ZNF354A: variants seen among roughly 807,000 people sequenced by gnomAD.
The protein encoded by ZNF354A is zinc finger protein 354A.
A neutral mutation model predicts 53.3 loss-of-function variants in ZNF354A; 25 were observed. That is an observed-to-expected ratio of 0.47 (90% CI 0.34 to 0.66). The LOEUF is 0.66. Among genes scored for constraint, ZNF354A ranks in the 30% least tolerant of loss-of-function variants. The pLI, the probability that ZNF354A is intolerant of heterozygous loss-of-function variation, is 0.01. For synonymous variants in ZNF354A, 228 were observed against 249.0 expected (o/e 0.92, Z 0.79); for missense variants, 586 against 716.8 (o/e 0.82, Z 2.08).
chr5:178,712,111 A>G lies in ZNF354A; in HGVS notation c.1767T>C (p.His589=), dbSNP rs763895133. 7 of 1,612,760 alleles carry G rather than the reference A, an allele frequency of 4.3e-6. No homozygotes were observed. The East Asian group carries it at 1.6e-4, about 36-fold the overall frequency. Residue 589 remains histidine (H), a synonymous_variant, in exon 5 of 5, where the codon CAT becomes CAC. Transcript: ENST00000335815. ...TATAATGATTAGTAAGGGATGACCT[A>G]TGGTTGAAAAGTTTCCCACATGTAT... ...ECNTCGKLFN[H]RSSLTNHYKI... is the part of the protein sequence containing the mutation.
In ZNF354A at chr5:178,712,737, G is replaced by C; in HGVS notation, c.1141C>G (p.Pro381Ala). The C allele has an allele frequency of 6.2e-7, 1 of 1,613,870 alleles. No individual in the cohort carries two copies. Among genetic ancestry groups the C allele is most frequent in the Non-Finnish European group, 8.5e-7 (1 of 1,179,820 alleles). ...YHQRIHTGEK[P>A]FKCSECGRAF... ...CTCCCACATTCACTACATTTAAAAGGCTTCTCTCCAGTGTGAATTCTCTGA... is the reference window on the plus strand; with the variant it reads ...CTCCCACATTCACTACATTTAAAAGCCTTCTCTCCAGTGTGAATTCTCTGA... Residue 381 changes from proline (P) to alanine (A), a missense_variant, in exon 5 of 5, where the codon CCT (proline) becomes GCT (alanine). Physicochemically the swap from Pro to Ala is conservative, Grantham distance 27. Around this residue, in one of 2 missense-constraint regions of ZNF354A, gnomAD observed 573 missense variants for 680.1 expected, o/e 0.84. Coordinates refer to ENST00000335815, the MANE Select transcript of ZNF354A (RefSeq NM_005649.3).
rs192892714 is a variant in ZNF354A at position 178,713,729 on chromosome 5, C to T, written c.257-108G>A. On this transcript the variant is annotated intron_variant, in intron 4 of 4. Transcript: ENST00000335815. ...ATATTGGTGACATTTAAATAAGACC[C>T]TGATATCTGTATGAAAAAAATTGCA... 7 of 1,335,498 alleles carry T rather than the reference C, an allele frequency of 5.2e-6. No individual in the cohort carries two copies. In the East Asian group the frequency reaches 1.7e-4, roughly 32 times the overall value. 82.7% of individuals were successfully genotyped at this position (1,335,498 alleles called of 1,614,324 possible).
intron 1 of ZNF354A, among the ~76,000 whole-genome samples, 198 bp downstream of exon 1, chr5:178,730,358 G>A (rs961189693): frequency 3.3e-5 from 5 of 151,952 alleles, no homozygotes; most frequent in African/African-American, 1.2e-4. Context: ...CGTCCACGGC[G>A]AGCCGGACGC....
chr5:178,720,831 C>T (rs1765799410), intron 4 of ZNF354A, among the ~76,000 whole-genome samples: 1 of 149,408 alleles, frequency 6.7e-6, no homozygotes, highest in Admixed American at 6.8e-5. Context: ...AAAATTAACA[C>T]CACTGCTTGC....
chr5:178,729,872 G>GCTTCTTTT lies in ZNF354A; in HGVS notation c.-52+683_-52+684insAAAAGAAG, dbSNP rs746292908. On this transcript the variant is annotated intron_variant, in intron 1 of 4. Coordinates refer to ENST00000335815, the MANE Select transcript of ZNF354A (RefSeq NM_005649.3). Reference sequence around the variant, plus strand: ...CCATGTATCCCATTTCTAACACGATGTTTCTTTTTTGAGACGGAGTCTCGC... The same window carrying GCTTCTTTT: ...CCATGTATCCCATTTCTAACACGATGCTTCTTTTTTTCTTTTTTGAGACGGAGTCTCGC... Among the ~76,000 whole-genome samples, 31 of 143,380 alleles carry GCTTCTTTT rather than the reference G, an allele frequency of 2.2e-4. 1 individual carries two copies. Among genetic ancestry groups the GCTTCTTTT allele is most frequent in the Middle Eastern group, 4.3e-3 (1 of 230 alleles). The allele number at this position is 143,380 out of a possible 152,430, so 94.1% of individuals were successfully genotyped here. A position where few individuals can be genotyped will look rare whatever the true frequency, so the allele number is the denominator to read the frequency against.
At chr5:178,725,192 TAAGA>T (rs1765881816) in intron 4 of ZNF354A, among the ~76,000 whole-genome samples, 180 bp downstream of exon 4, 1 of 152,142 alleles carries the variant, frequency 6.6e-6, no homozygotes, top group African/African-American at 2.4e-5. Flanking sequence ...CAGGAAAGAG[TAAGA>T]AAGAGATTCT....
At chr5:178,725,980 G>A (rs111526684) in intron 3 of ZNF354A, 9 of 288,606 alleles carry the variant, frequency 3.1e-5, no homozygotes, top group Admixed American at 1.7e-4. Context: ...CCCAAGTAGC[G>A]GGGACTACAG....
In ZNF354A at chr5:178,712,121, A is replaced by T. The variant is rs764900273; in HGVS notation, c.1757T>A (p.Leu586His). The T allele has an allele frequency of 1.2e-6, 2 of 1,613,230 alleles. No homozygotes were observed. Among genetic ancestry groups the T allele is most frequent in the African/African-American group, 2.7e-5 (2 of 75,006 alleles). The change falls in exon 5 of 5, where the codon CTT (leucine) becomes CAT (histidine). Residue 586 changes from leucine to histidine, a missense_variant. This residue lies in a region of ZNF354A where 573 missense variants were observed against 680.1 expected (regional missense o/e 0.84). Coordinates refer to ENST00000335815, the MANE Select transcript of ZNF354A (RefSeq NM_005649.3). ...KPYECNTCGK[L>H]FNHRSSLTNH... ...AGTAAGGGATGACCTATGGTTGAAA[A>T]GTTTCCCACATGTATTACATTCATA...
Position 178,718,258 on chromosome 5 carries a change from T to G in ZNF354A, c.257-4637A>C, listed in dbSNP as rs1329747343. 2.0e-5 allele frequency among the ~76,000 whole-genome samples: 3 copies of G among 152,330 alleles called. No individual in the cohort carries two copies. The East Asian group carries it at 5.8e-4, about 29-fold the overall frequency. On this transcript the variant is annotated intron_variant, in intron 4 of 4. Coordinates refer to ENST00000335815, the MANE Select transcript of ZNF354A (RefSeq NM_005649.3). ...AGGCCTACAAATAGGTCTCCTGAGG[T>G]GCAGTTCAACCTTTGCTTCCTCCTA...
chr5:178,713,984 G>GTTTT (rs35809830), intron 4 of ZNF354A, among the ~76,000 whole-genome samples: 2 of 141,718 alleles, frequency 1.4e-5, no homozygotes, highest in South Asian at 2.2e-4. Flanking sequence ...ATTTTTTTTT[G>GTTTT]TTTTTTTTTT....
At chr5:178,719,486 T>C (rs183038872) in intron 4 of ZNF354A, among the ~76,000 whole-genome samples, 4 of 152,208 alleles carry the variant, frequency 2.6e-5, no homozygotes, top group Admixed American at 6.5e-5. Context: ...AATTGACATA[T>C]AAGATAGGAT....
intron 4 of ZNF354A, 32 bp downstream of exon 4, chr5:178,725,344 C>T (rs202196615): frequency 2.1e-4 from 327 of 1,595,074 alleles, no homozygotes; most frequent in Admixed American, 8.8e-4. Flanking sequence ...CCATTGTCTG[C>T]GGCCATTCCG....
At chr5:178,729,695 A>G (rs1354651887) in intron 1 of ZNF354A, among the ~76,000 whole-genome samples, 1 of 151,138 alleles carries the variant, frequency 6.6e-6, no homozygotes, top group Admixed American at 6.6e-5. Context: ...AGTAGCTGGG[A>G]CTACAGGCGC....
chr5:178,714,105 A>C (rs1304655518), intron 4 of ZNF354A, among the ~76,000 whole-genome samples: 1 of 152,022 alleles, frequency 6.6e-6, no homozygotes, highest in African/African-American at 2.4e-5. Flanking sequence ...CCTGGCTTCA[A>C]GCAATTCTTG....
chr5:178,724,267 A>C (rs1561620452), intron 4 of ZNF354A, among the ~76,000 whole-genome samples: 3 of 148,830 alleles, frequency 2.0e-5, no homozygotes, highest in African/African-American at 7.5e-5. Flanking sequence ...CTCTGTCGCC[A>C]AGGCTGGAGT....
chr5:178,712,590 T>G lies in ZNF354A; in HGVS notation c.1288A>C (p.Ile430Leu). 6.2e-7 allele frequency: 1 copy of G among 1,614,214 alleles called. No individual in the cohort carries two copies. Among genetic ancestry groups the G allele is most frequent in the Non-Finnish European group, 8.5e-7 (1 of 1,180,040 alleles). Residue 430 changes from isoleucine (I) to leucine (L), a missense_variant, in exon 5 of 5, where the codon ATC becomes CTC. Physicochemically the swap from Ile to Leu is conservative, Grantham distance 5. Coordinates refer to ENST00000335815, the MANE Select transcript of ZNF354A (RefSeq NM_005649.3). ...TSISRLNRHRIIHTGEKFYNC... is the reference protein window; with the variant it reads ...TSISRLNRHRLIHTGEKFYNC... ...TAAAACTTCTCTCCAGTATGAATGA[T>G]TCGGTGTCTATTAAGTCGTGAAATA...
intron 3 of ZNF354A, chr5:178,726,126 G>A: frequency 2.2e-6 from 1 of 452,832 alleles, no homozygotes. Flanking sequence ...ACAGGTGTGA[G>A]CCACCGCGCC....
chr5:178,725,371 C>T lies in ZNF354A; in HGVS notation c.256+5G>A. 6.2e-7 allele frequency: 1 copy of T among 1,613,480 alleles called. No homozygotes were observed. The highest frequency in any genetic ancestry group is 8.5e-7 in the Non-Finnish European group (1 of 1,179,942). On this transcript the variant is annotated splice_donor_5th_base_variant and intron_variant, in intron 4 of 4. Transcript: ENST00000335815. ...GCCATTCCGCACCTCGGGCCACCCA[C>T]TTACCTAGAGAGGAGACGCCAGAAC...
intron 4 of ZNF354A, among the ~76,000 whole-genome samples, chr5:178,721,229 ATGT>A (rs938685996): frequency 2.2e-4 from 34 of 152,094 alleles, no homozygotes; most frequent in African/African-American, 5.3e-4. Context: ...GTTGTTGGCG[ATGT>A]TGTGCAGTCA....
Sources: allele counts gnomAD v4.1 joint callset (sites outside exome capture counted in the v4.1 genomes callset), GRCh38; gene constraint gnomAD v4.1.1; regional missense constraint gnomAD v4.1.1; transcripts MANE v1.5; gene names NCBI Gene and HGNC (gene_info 2026-07-23, HGNC 2026-07-21).